Variants in REV3L observed in about 807,000 individuals in gnomAD.
The protein encoded by REV3L is DNA polymerase zeta catalytic subunit.
REV3L carries 69 observed loss-of-function variants against 299.4 expected under a neutral mutation model. The ratio of observed to expected loss-of-function variants is 0.23; its 90% CI spans 0.19 to 0.28. The LOEUF is 0.28. Ranked by LOEUF, REV3L falls within the 10% of genes least tolerant of loss-of-function variation. The pLI is 1.00. For synonymous variants in REV3L, 1,238 were observed against 1,271.4 expected (o/e 0.97, Z 0.56); for missense variants, 3,128 against 3,693.8 (o/e 0.85, Z 3.97).
Position 111,372,913 on chromosome 6 carries a change from G to A in REV3L, c.5442C>T (p.Ala1814=). Residue 1814 remains alanine (A), a synonymous_variant, in exon 13 of 32, where the codon GCC becomes GCT. Transcript: ENST00000368802. ...RKEMGQSLDS[A]NTSFTAILSS... ...AGAGTATTGCAGTAAAAGAGGTATT[G>A]GCTGAGTCAAGAGACTGTCCCATTT... The A allele has an allele frequency of 1.2e-6, 2 of 1,614,020 alleles. No homozygotes were observed. The highest frequency in any genetic ancestry group is 8.5e-7 in the Non-Finnish European group (1 of 1,179,992).
At chr6:111,308,869 G>C (rs763700150) in intron 30 of REV3L, among the ~76,000 whole-genome samples, 1 of 152,224 alleles carries the variant, frequency 6.6e-6, no homozygotes, top group Non-Finnish European at 1.5e-5. Context: ...TATCTTTTAG[G>C]AAACCAGGAG....
At chr6:111,306,246 T>C (rs1380470732) in intron 31 of REV3L, among the ~76,000 whole-genome samples, 1 of 148,956 alleles carries the variant, frequency 6.7e-6, no homozygotes, top group African/African-American at 2.5e-5. Context: ...AGATGGGGGG[T>C]GGGGTGGGAT....
chr6:111,479,089 G>T (rs1246379427), intron 1 of REV3L, among the ~76,000 whole-genome samples: 1 of 152,150 alleles, frequency 6.6e-6, no homozygotes, highest in Non-Finnish European at 1.5e-5. Context: ...GTGGAAAATG[G>T]ACAGCTTCCC....
chr6:111,350,965 C>T (rs1409070818), intron 19 of REV3L, among the ~76,000 whole-genome samples: 1 of 152,022 alleles, frequency 6.6e-6, no homozygotes, highest in African/African-American at 2.4e-5. Context: ...CTAAAGTATA[C>T]ACTACTTTGT....
At position 111,373,621 on chromosome 6, in the gene REV3L, C is replaced by T. The variant is rs187840635; in HGVS notation, c.4734G>A (p.Thr1578=). 1.7e-5 allele frequency: 27 copies of T among 1,614,002 alleles called. No individual in the cohort carries two copies. The highest frequency in any genetic ancestry group is 9.3e-5 in the African/African-American group (7 of 75,012). Residue 1578 remains threonine, a synonymous_variant, in exon 13 of 32, where the codon ACG becomes ACA. Coordinates refer to ENST00000368802, the MANE Select transcript of REV3L (RefSeq NM_001372078.1). Reference sequence around the variant, plus strand: ...TGGGAGTTCGAGGTTTTCTTGGGGACGTTACCGATCGTGTCCGTTTATTTG... The same window carrying T: ...TGGGAGTTCGAGGTTTTCTTGGGGATGTTACCGATCGTGTCCGTTTATTTG... ...NKANKRTRSV[T]SPRKPRTPRS...
chr6:111,366,882 G>A (rs189093239), intron 14 of REV3L, among the ~76,000 whole-genome samples: 3 of 152,278 alleles, frequency 2.0e-5, no homozygotes, highest in Admixed American at 2.0e-4. Context: ...GAGAAGATAA[G>A]CCTTTTGAGA....
chr6:111,315,166 C>A (rs1773388344), intron 27 of REV3L, 101 bp downstream of exon 27: 2 of 977,770 alleles, frequency 2.0e-6, no homozygotes, highest in South Asian at 3.1e-5. Flanking sequence ...TTTAATAGAC[C>A]CGTATACTGT....
chr6:111,483,702 C>A, upstream of REV3L: 1 of 355,160 alleles, frequency 2.8e-6, no homozygotes, highest in Non-Finnish European at 5.8e-6. Context: ...GGAGGCGAGG[C>A]GCAGATCTCG....
chr6:111,457,887 G>C (rs1010298305), intron 1 of REV3L, among the ~76,000 whole-genome samples: 1 of 151,638 alleles, frequency 6.6e-6, no homozygotes, highest in Non-Finnish European at 1.5e-5. Context: ...AAAGAAAACA[G>C]ACACATCACA....
chr6:111,314,471 C>T (rs191449399), intron 27 of REV3L, among the ~76,000 whole-genome samples: 285 of 152,302 alleles, frequency 1.9e-3, no homozygotes, highest in Non-Finnish European at 3.3e-3. Context: ...CAAGCAGCCC[C>T]GGTGAAAGGC....
chr6:111,472,622 C>T (rs960141317), intron 1 of REV3L, among the ~76,000 whole-genome samples: 1 of 151,604 alleles, frequency 6.6e-6, no homozygotes, highest in African/African-American at 2.4e-5. Context: ...AATTACTACT[C>T]ATTTTTCTCA....
intron 1 of REV3L, among the ~76,000 whole-genome samples, chr6:111,434,431 G>A (rs1325349153): frequency 1.3e-5 from 2 of 151,780 alleles, no homozygotes; most frequent in African/African-American, 4.8e-5. Flanking sequence ...TGGCTAACAT[G>A]GTGAAACCAC....
intron 30 of REV3L, chr6:111,309,571 T>G: frequency 3.9e-6 from 1 of 254,282 alleles, no homozygotes; most frequent in Non-Finnish European, 7.4e-6. Context: ...AGGCCCAGGA[T>G]TGGGGCATGG....
At chr6:111,310,290 C>T in intron 29 of REV3L, 191 bp from the exon 30 acceptor site, 1 of 531,092 alleles carries the variant, frequency 1.9e-6, no homozygotes, top group South Asian at 6.8e-5. Context: ...TGTAGATATC[C>T]TACAAGAGTT....
chr6:111,354,172 C>G (rs1416629896), intron 18 of REV3L: 2 of 152,126 alleles, frequency 1.3e-5, no homozygotes, highest in African/African-American at 2.4e-5. Context: ...GAAGAGGATG[C>G]CAGATGATTA....
At chr6:111,369,893 G>C (rs1779610533) in intron 13 of REV3L, among the ~76,000 whole-genome samples, 1 of 151,306 alleles carries the variant, frequency 6.6e-6, no homozygotes, top group Non-Finnish European at 1.5e-5. Flanking sequence ...CTGGAGTGCA[G>C]TGGTGCGATC....
At chr6:111,303,220 G>A (rs1302286770) in intron 31 of REV3L, among the ~76,000 whole-genome samples, 1 of 129,434 alleles carries the variant, frequency 7.7e-6, no homozygotes, top group Non-Finnish European at 1.6e-5. Flanking sequence ...TGCCCAGGCT[G>A]GAGTGCAGTG....
chr6:111,434,513 G>C (rs1787318902), intron 1 of REV3L, among the ~76,000 whole-genome samples: 1 of 151,862 alleles, frequency 6.6e-6, no homozygotes, highest in Non-Finnish European at 1.5e-5. Flanking sequence ...CAGCTACTCA[G>C]GAGGCTGAGG....
rs1331545360 is a variant in REV3L, at chr6:111,431,803, ATATATTATG to A, written c.140-15340_140-15332del. On this transcript the variant is annotated intron_variant, in intron 1 of 31. Coordinates refer to ENST00000368802, the MANE Select transcript of REV3L (RefSeq NM_001372078.1). ...AAGTTGAGGCCACCTGTATTTGATT[ATATATTATG>A]TACATACTTTTTCATTCTTAACTTA... 3.2e-5 allele frequency: 22 copies of A among 688,846 alleles called. No individual in the cohort carries two copies. In the African/African-American group the frequency reaches 3.3e-4, roughly 10 times the overall value. The allele number at this position is 688,846 out of a possible 1,614,324, so 42.7% of individuals were successfully genotyped here.
Sources: gnomAD v4.1 joint callset for allele counts (sites outside exome capture counted in the v4.1 genomes callset) on GRCh38, gnomAD v4.1.1 for gene constraint, MANE v1.5 for transcripts, NCBI Gene and HGNC (gene_info 2026-07-23, HGNC 2026-07-21) for gene names.